The following SLC25A13 variants were observed in gnomAD, a reference collection of about 807,000 sequenced individuals.
SLC25A13 encodes solute carrier family 25 member 13.
SLC25A13 carries 70 observed loss-of-function variants against 85.5 expected under a neutral mutation model. The ratio of observed to expected loss-of-function variants is 0.82; its 90% confidence interval spans 0.68 to 1.00. SLC25A13 has a LOEUF of 1.00. Ranked by LOEUF, SLC25A13 falls within the 50% of genes least tolerant of loss-of-function variation. SLC25A13 has a pLI of 0.00. For missense variants in SLC25A13, 765 were observed against 819.8 expected, an observed-to-expected ratio of 0.93 and a Z score of 0.82; for synonymous variants, 259 against 288.7, an observed-to-expected ratio of 0.90 and a Z score of 1.04.
intron 1 of SLC25A13, among the ~76,000 whole-genome samples, chr7:96,308,310 T>C (rs1378211730): frequency 6.6e-6 from 1 of 152,216 alleles, no homozygotes; most frequent in East Asian, 1.9e-4. Context: ...CAGTTACTCT[T>C]CATATTCAGA....
chr7:96,231,294 G>A (rs1796530787), intron 4 of SLC25A13, among the ~76,000 whole-genome samples: 3 of 152,128 alleles, frequency 2.0e-5, no homozygotes, highest in Admixed American at 6.5e-5. Context: ...CACAGCAAAA[G>A]CAACTATCAA....
At chr7:96,192,910 G>A (rs550886982) in intron 6 of SLC25A13, 127 bp downstream of exon 6, 3 of 1,040,420 alleles carry the variant, frequency 2.9e-6, no homozygotes, top group Non-Finnish European at 4.3e-6. Context: ...GTTTAGTAAT[G>A]TATGTGATCA....
intron 13 of SLC25A13, among the ~76,000 whole-genome samples, chr7:96,160,254 G>A (rs1793454761): frequency 6.6e-6 from 1 of 152,158 alleles, no homozygotes; most frequent in Non-Finnish European, 1.5e-5. Flanking sequence ...GACTTTCCCA[G>A]AGAAGGTAAA....
chr7:96,132,265 T>C (rs1339548541), intron 14 of SLC25A13, among the ~76,000 whole-genome samples: 1 of 152,188 alleles, frequency 6.6e-6, no homozygotes, highest in Non-Finnish European at 1.5e-5. Context: ...GCAGTCAAGA[T>C]GCCTCTTTGT....
At chr7:96,219,563 C>A in intron 4 of SLC25A13, 1 of 399,194 alleles carries the variant, frequency 2.5e-6, no homozygotes, top group South Asian at 2.0e-5. Flanking sequence ...GAAAGAAAGC[C>A]ATAAACTATA....
intron 3 of SLC25A13, among the ~76,000 whole-genome samples, chr7:96,239,037 T>TTATATATATATATATATA (rs58990918): frequency 3.9e-4 from 51 of 130,834 alleles, no homozygotes; most frequent in South Asian, 1.5e-3. Flanking sequence ...ACTATATATT[T>TTATATATATATATATATA]TATATATATA....
At chr7:96,162,533 G>C (rs1584394042) in intron 13 of SLC25A13, among the ~76,000 whole-genome samples, 1 of 151,818 alleles carries the variant, frequency 6.6e-6, no homozygotes, top group Non-Finnish European at 1.5e-5. Flanking sequence ...ACAAAGATGA[G>C]GTTTGCCAAT....
At chr7:96,264,400 T>A (rs1022072125) in intron 3 of SLC25A13, among the ~76,000 whole-genome samples, 1 of 152,114 alleles carries the variant, frequency 6.6e-6, no homozygotes, top group Non-Finnish European at 1.5e-5. Flanking sequence ...ATCTCATCTA[T>A]TTCCTGGAAA....
intron 1 of SLC25A13, among the ~76,000 whole-genome samples, chr7:96,297,339 C>CT (rs953150903): frequency 5.5e-4 from 81 of 146,538 alleles, no homozygotes; most frequent in Admixed American, 5.5e-4. Flanking sequence ...GAACATATTT[C>CT]TTTTTTTTTT....
intron 4 of SLC25A13, among the ~76,000 whole-genome samples, chr7:96,227,567 C>T (rs1218331142): frequency 3.3e-5 from 5 of 152,006 alleles, no homozygotes; most frequent in South Asian, 2.1e-4. Context: ...ATAGTATTAG[C>T]GGAGAATATA....
chr7:96,253,648 T>A (rs1363902012), intron 3 of SLC25A13, among the ~76,000 whole-genome samples: 3 of 152,188 alleles, frequency 2.0e-5, no homozygotes, highest in Non-Finnish European at 2.9e-5. Context: ...TCGAAGCCCT[T>A]TCCTGTATGA....
intron 14 of SLC25A13, among the ~76,000 whole-genome samples, chr7:96,141,469 T>A (rs1046980340): frequency 1.3e-5 from 2 of 152,232 alleles, no homozygotes; most frequent in African/African-American, 2.4e-5. Flanking sequence ...TGAATTAATA[T>A]GATTTACATT....
chr7:96,203,398 G>A (rs1795335265), intron 5 of SLC25A13, among the ~76,000 whole-genome samples: 1 of 152,074 alleles, frequency 6.6e-6, no homozygotes, highest in African/African-American at 2.4e-5. Context: ...CTAAAATTTG[G>A]GGGGTAAAAA....
chr7:96,208,727 G>C, intron 5 of SLC25A13, 111 bp downstream of exon 5: 4 of 1,235,876 alleles, frequency 3.2e-6, no homozygotes, highest in Middle Eastern at 1.9e-4. Context: ...GGATGGTCTC[G>C]ATCTCCTGAC....
intron 15 of SLC25A13, among the ~76,000 whole-genome samples, chr7:96,125,016 T>G (rs1485332410): frequency 6.6e-6 from 1 of 152,204 alleles, no homozygotes; most frequent in Non-Finnish European, 1.5e-5. Context: ...TATACCAAAG[T>G]CAGCAATAAT....
intron 1 of SLC25A13, among the ~76,000 whole-genome samples, chr7:96,308,001 A>G (rs1347425290): frequency 6.6e-6 from 1 of 151,766 alleles, no homozygotes; most frequent in Non-Finnish European, 1.5e-5. Context: ...AAAATACAAA[A>G]ATTTAGCCGG....
chr7:96,175,245 A>AG (rs1794174931), intron 11 of SLC25A13, among the ~76,000 whole-genome samples: 1 of 152,224 alleles, frequency 6.6e-6, no homozygotes, highest in Non-Finnish European at 1.5e-5. Flanking sequence ...ATGGAGGGCA[A>AG]GGTGACCCAG....
intron 13 of SLC25A13, among the ~76,000 whole-genome samples, chr7:96,155,066 C>T (rs777974473): frequency 1.8e-4 from 28 of 152,168 alleles, no homozygotes; most frequent in Non-Finnish European, 3.4e-4. Context: ...TCCCAAAGTG[C>T]TGGGGTGACA....
chr7:96,296,227 T>C (rs768620568), intron 2 of SLC25A13, among the ~76,000 whole-genome samples: 1 of 152,054 alleles, frequency 6.6e-6, no homozygotes, highest in African/African-American at 2.4e-5. Context: ...TATAGTCCCA[T>C]GGATGAGTGA....
Sources: allele counts gnomAD v4.1 joint callset (sites outside exome capture counted in the v4.1 genomes callset), GRCh38; gene constraint gnomAD v4.1.1; transcripts MANE v1.5; gene names NCBI Gene and HGNC (gene_info 2026-07-23, HGNC 2026-07-21).